TULP4: variants seen among roughly 807,000 people sequenced by gnomAD.
TULP4 encodes the protein tubby-related protein 4.
In TULP4, 16 loss-of-function variants were observed where a neutral mutation model predicts 129.0. That is an observed-to-expected ratio of 0.12 (90% confidence interval 0.08 to 0.19). The LOEUF (loss-of-function observed/expected upper bound fraction) is 0.19. Among genes scored for constraint, TULP4 ranks in the 10% least tolerant of loss-of-function variants. The pLI, the probability that TULP4 is intolerant of heterozygous loss-of-function variation, is 1.00. For missense variants in TULP4, 1,842 were observed against 2,059.1 expected, an observed-to-expected ratio of 0.89 and a Z score of 2.04; for synonymous variants, 998 against 854.0, an observed-to-expected ratio of 1.17 and a Z score of -2.94.
At chr6:158,238,860 T>C in intron 1 of TULP4, among the ~76,000 whole-genome samples, 1 of 99,228 alleles carries the variant, frequency 1.0e-5, no homozygotes, top group Admixed American at 1.0e-4. Flanking sequence ...ATCCGATTTC[T>C]CAATCTTTTC....
intron 1 of TULP4, among the ~76,000 whole-genome samples, chr6:158,404,316 T>A (rs1320726098): frequency 6.6e-6 from 1 of 152,216 alleles, no homozygotes; most frequent in African/African-American, 2.4e-5. Context: ...GAGTGATAGT[T>A]TCTAACCATA....
intron 1 of TULP4, among the ~76,000 whole-genome samples, chr6:158,265,448 G>A (rs1182755634): frequency 6.6e-5 from 10 of 152,052 alleles, no homozygotes; most frequent in Non-Finnish European, 1.0e-4. Context: ...TTGGGAGGCC[G>A]AGGTGGGCAG....
intron 1 of TULP4, among the ~76,000 whole-genome samples, chr6:158,322,343 T>G (rs983761121): frequency 6.6e-6 from 1 of 152,146 alleles, no homozygotes; most frequent in African/African-American, 2.4e-5. Context: ...TTCCTTTCTG[T>G]TTCTGTTTTT....
chr6:158,413,000 C>T lies in TULP4; in HGVS notation c.253-65C>T, dbSNP rs946046975. The T allele has an allele frequency of 1.3e-5, 21 of 1,556,592 alleles. No individual in the cohort carries two copies. In the African/African-American group the frequency reaches 2.9e-4, roughly 21 times the overall value. ...CTAATTAGTTCAAGTCTGATCACATCACAGAAATAATCCTGGCCCACAGAT... is the reference window on the plus strand; with the variant it reads ...CTAATTAGTTCAAGTCTGATCACATTACAGAAATAATCCTGGCCCACAGAT... On this transcript the variant is annotated intron_variant, in intron 1 of 13. Transcript: ENST00000367097.
intron 5 of TULP4, among the ~76,000 whole-genome samples, chr6:158,459,411 C>T (rs1321066215): frequency 1.4e-5 from 2 of 147,374 alleles, no homozygotes; most frequent in Non-Finnish European, 3.0e-5. Context: ...GCCTGGGCAA[C>T]AAGAGTGAAA....
chr6:158,345,646 A>G (rs567695611), intron 1 of TULP4, among the ~76,000 whole-genome samples: 5 of 152,360 alleles, frequency 3.3e-5, no homozygotes, highest in African/African-American at 7.2e-5. Flanking sequence ...AGGGCAAAAA[A>G]CAGAACTACT....
chr6:158,470,667 A>G (rs1779660219), intron 6 of TULP4, among the ~76,000 whole-genome samples: 1 of 152,246 alleles, frequency 6.6e-6, no homozygotes, highest in South Asian at 2.1e-4. Context: ...ATGTCAAACA[A>G]GAGAACAACA....
chr6:158,304,119 T>A (rs1779173581), intron 1 of TULP4, among the ~76,000 whole-genome samples: 1 of 152,132 alleles, frequency 6.6e-6, no homozygotes, highest in Admixed American at 6.5e-5. Context: ...TTAATAGCTG[T>A]TTAATGAAGA....
intron 1 of TULP4, among the ~76,000 whole-genome samples, chr6:158,395,042 G>C (rs931225110): frequency 1.3e-5 from 2 of 152,038 alleles, no homozygotes; most frequent in Non-Finnish European, 2.9e-5. Context: ...CACTGTCATG[G>C]GAACAGCAAG....
At chr6:158,293,767 C>T (rs1172054283) in intron 1 of TULP4, among the ~76,000 whole-genome samples, 9 of 152,166 alleles carry the variant, frequency 5.9e-5, no homozygotes, top group African/African-American at 1.9e-4. Flanking sequence ...CTCACTAGCA[C>T]GTTTTGAGAA....
rs796107641 is a variant in TULP4, at chr6:158,239,499, C to T, written n.68+7196C>T. ...CTCCCTCCCGGACGGGGAGGCTGGCCGGGCAGAGGGGCTCCTCACTTCCCA... is the reference window on the plus strand; with the variant it reads ...CTCCCTCCCGGACGGGGAGGCTGGCTGGGCAGAGGGGCTCCTCACTTCCCA... On this transcript the variant is annotated intron_variant and non_coding_transcript_variant, in intron 1 of 1. Coordinates refer to the TULP4 transcript ENST00000620026. Among the ~76,000 whole-genome samples, 337 of 63,382 alleles carry T rather than the reference C, an allele frequency of 5.3e-3. 32 individuals carry two copies. Among genetic ancestry groups the T allele is most frequent in the African/African-American group, 0.017 (325 of 18,848 alleles). The allele number at this position is 63,382 out of a possible 152,430, so 41.6% of individuals were successfully genotyped here.
At chr6:158,385,922 G>A (rs1485148578) in intron 1 of TULP4, among the ~76,000 whole-genome samples, 2 of 140,860 alleles carry the variant, frequency 1.4e-5, no homozygotes, top group African/African-American at 5.4e-5. Flanking sequence ...ATAGTGCACT[G>A]CGGCCTTGAA....
At chr6:158,287,510 A>G (rs1394313620) in intron 1 of TULP4, among the ~76,000 whole-genome samples, 2 of 152,220 alleles carry the variant, frequency 1.3e-5, no homozygotes, top group Non-Finnish European at 2.9e-5. Flanking sequence ...GACATTTAAA[A>G]GTCCTTACCC....
At chr6:158,481,390 G>A in intron 8 of TULP4, 101 bp downstream of exon 8, 1 of 1,073,470 alleles carries the variant, frequency 9.3e-7, no homozygotes, top group Non-Finnish European at 1.4e-6. Context: ...AATGAAACGT[G>A]AGCCTGTGGG....
At chr6:158,376,785 C>A (rs1156746776) in intron 1 of TULP4, among the ~76,000 whole-genome samples, 1 of 152,174 alleles carries the variant, frequency 6.6e-6, no homozygotes, top group African/African-American at 2.4e-5. Flanking sequence ...ATAACAGGAG[C>A]AGATGTGGCA....
At position 158,329,070 on chromosome 6, in the gene TULP4, A is replaced by C. The variant is rs139474836; in HGVS notation, c.252+14802A>C. Among the ~76,000 whole-genome samples the C allele has an allele frequency of 2.5e-3, 381 of 152,366 alleles. 1 individual carries two copies. Among genetic ancestry groups the C allele is most frequent in the African/African-American group, 8.7e-3 (363 of 41,586 alleles). ...GGTGTTTCCAGTTGGGTCCACCCAC[A>C]ACCTTGACTCCAAACTTCCAAAACA... is the stretch of plus-strand genomic sequence containing the variant. On this transcript the variant is annotated intron_variant, in intron 1 of 13. Coordinates refer to ENST00000367097, the MANE Select transcript of TULP4 (RefSeq NM_020245.5).
chr6:158,466,565 T>C (rs1351555420), intron 6 of TULP4, among the ~76,000 whole-genome samples: 1 of 152,200 alleles, frequency 6.6e-6, no homozygotes, highest in Non-Finnish European at 1.5e-5. Flanking sequence ...TTTTAAGAAG[T>C]AGGATTAAAC....
At chr6:158,308,504 A>G (rs1412353206), upstream of TULP4, among the ~76,000 whole-genome samples, 46 of 151,904 alleles carry the variant, frequency 3.0e-4, no homozygotes, top group African/African-American at 9.9e-4. Flanking sequence ...CCCGTTCTCA[A>G]TGAGCTGTTG....
At chr6:158,322,368 C>T (rs866362236) in intron 1 of TULP4, among the ~76,000 whole-genome samples, 1 of 151,874 alleles carries the variant, frequency 6.6e-6, no homozygotes, top group Non-Finnish European at 1.5e-5. Flanking sequence ...ATCTTGATTC[C>T]AAGAAGTTCT....
Sources: allele counts gnomAD v4.1 joint callset (sites outside exome capture counted in the v4.1 genomes callset), GRCh38; gene constraint gnomAD v4.1.1; transcripts MANE v1.5; gene names NCBI Gene and HGNC (gene_info 2026-07-23, HGNC 2026-07-21).